MYBL1: variants seen among roughly 807,000 people sequenced by gnomAD.
MYBL1 encodes MYB proto-oncogene like 1.
A neutral mutation model predicts 96.3 loss-of-function variants in MYBL1; 17 were observed. That is an observed-to-expected ratio of 0.18 (90% CI 0.12 to 0.26). The LOEUF (loss-of-function observed/expected upper bound fraction) is 0.26, where lower values mean the gene tolerates loss of function less well. Ranked by LOEUF, MYBL1 falls within the 10% of genes least tolerant of loss-of-function variation. The pLI, the probability that MYBL1 is intolerant of heterozygous loss-of-function variation, is 1.00. For synonymous variants in MYBL1, 282 were observed against 292.7 expected, an observed-to-expected ratio of 0.96 and a Z score of 0.37; for missense variants, 701 against 882.9, an observed-to-expected ratio of 0.79 and a Z score of 2.61.
intron 12 of MYBL1, among the ~76,000 whole-genome samples, chr8:66,567,572 CAGAG>C (rs1169763163): frequency 6.6e-6 from 1 of 151,474 alleles, no homozygotes; most frequent in Non-Finnish European, 1.5e-5. Context: ...GGGTAGGTTA[CAGAG>C]AGATAGACAC....
At chr8:66,610,811 A>G (rs939036999) in intron 1 of MYBL1, among the ~76,000 whole-genome samples, 2 of 152,146 alleles carry the variant, frequency 1.3e-5, no homozygotes, top group African/African-American at 4.8e-5. Context: ...CTTAAGAGAT[A>G]CATCATTCAG....
intron 15 of MYBL1, chr8:66,565,266 T>C (rs1233702982): frequency 1.3e-5 from 2 of 152,316 alleles, no homozygotes; most frequent in African/African-American, 4.8e-5. Context: ...GCTTATGTTT[T>C]TTTCCTTCCC....
chr8:66,606,973 C>G (rs985469052), intron 1 of MYBL1, among the ~76,000 whole-genome samples: 2 of 151,962 alleles, frequency 1.3e-5, no homozygotes, highest in Admixed American at 1.3e-4. Flanking sequence ...GAATTTTTTT[C>G]GTAGAGACGG....
chr8:66,579,952 C>T (rs1018621820), intron 9 of MYBL1, among the ~76,000 whole-genome samples, 181 bp downstream of exon 9: 4 of 151,952 alleles, frequency 2.6e-5, no homozygotes, highest in Non-Finnish European at 5.9e-5. Context: ...AAATTCCTCA[C>T]AAGGCACATA....
At position 66,564,709 on chromosome 8, in the gene MYBL1, A is replaced by G; in HGVS notation, c.2247T>C (p.Ala749=). 6.3e-7 allele frequency: 1 copy of G among 1,577,892 alleles called. No individual in the cohort carries two copies. Among genetic ancestry groups the G allele is most frequent in the Non-Finnish European group, 8.6e-7 (1 of 1,158,818 alleles). Residue 749 remains alanine, a synonymous_variant, in exon 16 of 16, where the codon GCT becomes GCC. Coordinates refer to ENST00000522677, the MANE Select transcript of MYBL1 (RefSeq NM_001080416.4). The part of the protein sequence containing the change: ...TYTATSSTSR[A]LIL ...ATTTTAATAACAATTACAGTATGAGAGCTCTTGAAGTACTACTGGTAGCTG... is the reference window on the plus strand; with the variant it reads ...ATTTTAATAACAATTACAGTATGAGGGCTCTTGAAGTACTACTGGTAGCTG...
chr8:66,602,733 ATTTTTTTT>A (rs143426704), intron 1 of MYBL1, among the ~76,000 whole-genome samples: 8 of 28,156 alleles, frequency 2.8e-4, no homozygotes, highest in East Asian at 1.3e-3. Flanking sequence ...ATATATATAT[ATTTTTTTT>A]TTTTTTTTTT....
intron 12 of MYBL1, 94 bp downstream of exon 12, chr8:66,572,387 CT>C (rs1457457285): frequency 1.0e-5 from 6 of 585,366 alleles, no homozygotes; most frequent in Non-Finnish European, 1.7e-5. Flanking sequence ...CAGTAAATAT[CT>C]TTTTTTAAAT....
chr8:66,567,166 G>C (rs752332653), intron 12 of MYBL1, among the ~76,000 whole-genome samples, 174 bp from the exon 13 acceptor site: 7 of 152,052 alleles, frequency 4.6e-5, no homozygotes, highest in Non-Finnish European at 8.8e-5. Flanking sequence ...TTATACATTT[G>C]CAAGTACTGA....
chr8:66,607,129 CAAAAAA>C (rs1226149503), intron 1 of MYBL1, among the ~76,000 whole-genome samples: 1 of 124,950 alleles, frequency 8.0e-6, no homozygotes, highest in Non-Finnish European at 1.8e-5. Flanking sequence ...GTTAAAACAA[CAAAAAA>C]AAAAAAAAAA....
intron 8 of MYBL1, among the ~76,000 whole-genome samples, chr8:66,588,277 CTTT>C (rs1164357937): frequency 9.3e-5 from 12 of 128,804 alleles, no homozygotes; most frequent in Admixed American, 8.0e-5. Context: ...ATGTGAATCT[CTTT>C]TTTTTTTTTT....
At chr8:66,565,922 G>T in intron 15 of MYBL1, 142 bp downstream of exon 15, 1 of 621,050 alleles carries the variant, frequency 1.6e-6, no homozygotes, top group Non-Finnish European at 2.7e-6. Flanking sequence ...AAATGTGAGT[G>T]ATAAAATAAT....
chr8:66,564,777 G>A lies in MYBL1; in HGVS notation c.2179C>T (p.Leu727Phe), dbSNP rs1808439644. The stretch of plus-strand genomic sequence containing the variant: ...CTTCTTGCTTGTTCAGTCATAATAA[G>A]TTGGTCTTCTGTCTTCCCATAAACC... Reference protein sequence around the residue: ...TVVYGKTEDQLIMTEQARRYL... With the variant: ...TVVYGKTEDQFIMTEQARRYL... The change falls in exon 16 of 16, where the codon CTT becomes TTT. Residue 727 changes from leucine (L) to phenylalanine (F), a missense_variant. By Grantham distance (22) the Leu-to-Phe change is conservative (BLOSUM62 0). Around this residue, in one of 5 missense-constraint regions of MYBL1, gnomAD observed 137 missense variants for 137.5 expected, o/e 1.00. Transcript: ENST00000522677. The A allele has an allele frequency of 3.8e-6, 6 of 1,582,956 alleles. No individual in the cohort carries two copies. The highest frequency in any genetic ancestry group is 5.2e-6 in the Non-Finnish European group (6 of 1,161,210).
intron 12 of MYBL1, among the ~76,000 whole-genome samples, chr8:66,569,256 T>C (rs1274015025): frequency 6.6e-6 from 1 of 152,138 alleles, no homozygotes; most frequent in African/African-American, 2.4e-5. Flanking sequence ...GGCTTCCAGC[T>C]CTATCCATGT....
chr8:66,578,059 C>T (rs1490976589), intron 9 of MYBL1, among the ~76,000 whole-genome samples: 2 of 152,090 alleles, frequency 1.3e-5, no homozygotes, highest in African/African-American at 4.8e-5. Flanking sequence ...CCCTTCCTTA[C>T]ACCTTATACA....
chr8:66,599,257 G>T (rs1809971632), intron 3 of MYBL1, 115 bp from the exon 4 acceptor site: 2 of 559,934 alleles, frequency 3.6e-6, no homozygotes, highest in Non-Finnish European at 6.0e-6. Flanking sequence ...GTATTCAATA[G>T]CATTCTTTAA....
intron 3 of MYBL1, among the ~76,000 whole-genome samples, chr8:66,600,281 A>G (rs1018449645): frequency 6.6e-6 from 1 of 152,244 alleles, no homozygotes; most frequent in African/African-American, 2.4e-5. Flanking sequence ...CAGAAAATCT[A>G]GAGACATATA....
At chr8:66,598,787 G>T (rs1809951988) in intron 4 of MYBL1, among the ~76,000 whole-genome samples, 1 of 152,062 alleles carries the variant, frequency 6.6e-6, no homozygotes, top group South Asian at 2.1e-4. Flanking sequence ...TCAAAACAAG[G>T]TAACTAACCT....
At chr8:66,572,661 A>G in intron 11 of MYBL1, 65 bp from the exon 12 acceptor site, 1 of 758,974 alleles carries the variant, frequency 1.3e-6, no homozygotes, top group Non-Finnish European at 2.0e-6. Flanking sequence ...TAATGAAAGC[A>G]AAGCAATTTA....
At chr8:66,592,401 A>G (rs1398768541) in intron 8 of MYBL1, 39 bp downstream of exon 8, 1 of 1,339,546 alleles carries the variant, frequency 7.5e-7, no homozygotes. Context: ...AGCATATATG[A>G]AAGATTCTAA....
Sources: allele counts gnomAD v4.1 joint callset (sites outside exome capture counted in the v4.1 genomes callset), GRCh38; gene constraint gnomAD v4.1.1; regional missense constraint gnomAD v4.1.1; transcripts MANE v1.5; gene names NCBI Gene and HGNC (gene_info 2026-07-23, HGNC 2026-07-21).